Variants in MCU observed in about 807,000 individuals in gnomAD.
The protein encoded by MCU is mitochondrial calcium uniporter, also known as calcium uniporter protein, mitochondrial.
MCU carries 12 observed loss-of-function variants against 45.2 expected under a neutral mutation model. The observed-to-expected ratio is 0.27, with a 90% confidence interval of 0.17 to 0.43. The LOEUF is 0.43. Ranked by LOEUF, MCU falls within the 20% of genes least tolerant of loss-of-function variation. The pLI is 1.00. For missense variants in MCU, 324 were observed against 436.7 expected (o/e 0.74, Z 2.30); for synonymous variants, 160 against 165.1 (o/e 0.97, Z 0.24).
At chr10:72,710,722 C>CA (rs1237454141) in intron 1 of MCU, among the ~76,000 whole-genome samples, 3 of 151,834 alleles carry the variant, frequency 2.0e-5, no homozygotes, top group Admixed American at 1.3e-4. Context: ...AGAAATTGAA[C>CA]ATTATGATTA....
In MCU at chr10:72,748,208, C is replaced by T. The variant is rs1369864677; in HGVS notation, c.150+55907C>T. On this transcript the variant is annotated intron_variant, in intron 1 of 7. Transcript: ENST00000373053. ...GACTACAGGTGCCCGCCACCACGCC[C>T]AGCTAATTTTTGTATTTTTAGTAGA... 2.0e-5 allele frequency among the ~76,000 whole-genome samples: 3 copies of T among 152,046 alleles called. No homozygotes were observed. The East Asian group carries it at 5.8e-4, about 29-fold the overall frequency.
intron 2 of MCU, among the ~76,000 whole-genome samples, chr10:72,838,471 C>T (rs1844989023): frequency 6.6e-6 from 1 of 151,844 alleles, no homozygotes; most frequent in Non-Finnish European, 1.5e-5. Context: ...ATTAGCTGGG[C>T]GTGGTGGCAT....
chr10:72,845,590 G>A (rs1294377524), intron 2 of MCU, among the ~76,000 whole-genome samples: 2 of 152,264 alleles, frequency 1.3e-5, no homozygotes, highest in African/African-American at 2.4e-5. Flanking sequence ...ATTCAGCACA[G>A]TAACATGGTA....
intron 1 of MCU, among the ~76,000 whole-genome samples, chr10:72,833,036 G>A (rs1589485634): frequency 2.0e-5 from 3 of 151,278 alleles, no homozygotes; most frequent in South Asian, 4.2e-4. Flanking sequence ...TTAAAGAAAA[G>A]TAATAAGGGA....
chr10:72,797,162 A>G (rs1844261070), intron 1 of MCU, among the ~76,000 whole-genome samples: 1 of 151,476 alleles, frequency 6.6e-6, no homozygotes, highest in Admixed American at 6.6e-5. Context: ...TGTTACTAGT[A>G]TATTTCTGTA....
chr10:72,884,142 A>T, intron 6 of MCU, 124 bp from the exon 7 acceptor site: 1 of 647,144 alleles, frequency 1.5e-6, no homozygotes, highest in Non-Finnish European at 2.8e-6. Context: ...TGGTGATTAA[A>T]TACTTAACAC....
chr10:72,839,620 TGAG>T (rs1845016379), intron 2 of MCU, among the ~76,000 whole-genome samples: 1 of 151,896 alleles, frequency 6.6e-6, no homozygotes, highest in Non-Finnish European at 1.5e-5. Flanking sequence ...ATTCACCAAA[TGAG>T]GGACATTAGG....
chr10:72,849,353 T>C (rs936653391), intron 2 of MCU, among the ~76,000 whole-genome samples: 9 of 151,938 alleles, frequency 5.9e-5, no homozygotes, highest in African/African-American at 1.9e-4. Flanking sequence ...TCTGGCTCTA[T>C]GAATAGTCAA....
intron 1 of MCU, among the ~76,000 whole-genome samples, chr10:72,707,498 C>T (rs1473033854): frequency 2.0e-5 from 3 of 152,048 alleles, no homozygotes; most frequent in East Asian, 3.9e-4. Context: ...GCACCTGACT[C>T]GCCTTTTGAA....
At chr10:72,811,255 T>C (rs1844539528) in intron 1 of MCU, among the ~76,000 whole-genome samples, 1 of 152,222 alleles carries the variant, frequency 6.6e-6, no homozygotes, top group African/African-American at 2.4e-5. Flanking sequence ...GGCTGTTGTT[T>C]GAGAAAAAGG....
At chr10:72,776,822 A>T (rs140653033) in intron 1 of MCU, among the ~76,000 whole-genome samples, 3 of 152,310 alleles carry the variant, frequency 2.0e-5, no homozygotes, top group Non-Finnish European at 4.4e-5. Flanking sequence ...GAGAAACCTA[A>T]AGACTCCACA....
At chr10:72,860,020 T>C (rs1460324247) in intron 3 of MCU, 1 of 167,080 alleles carries the variant, frequency 6.0e-6, no homozygotes, top group African/African-American at 2.4e-5. Flanking sequence ...CCAGCGTCTA[T>C]CTCTACTGAA....
chr10:72,749,462 T>C (rs1444150449), intron 1 of MCU, among the ~76,000 whole-genome samples: 2 of 152,236 alleles, frequency 1.3e-5, no homozygotes, highest in Admixed American at 1.3e-4. Flanking sequence ...TATTAGCTTA[T>C]AATTACAAAA....
At chr10:72,788,812 T>C (rs1470537835) in intron 1 of MCU, among the ~76,000 whole-genome samples, 3 of 152,230 alleles carry the variant, frequency 2.0e-5, no homozygotes, top group African/African-American at 7.2e-5. Context: ...AGTTGATTCT[T>C]GATAAAGTAC....
chr10:72,847,182 C>T (rs1049410148), intron 2 of MCU, among the ~76,000 whole-genome samples: 1 of 152,098 alleles, frequency 6.6e-6, no homozygotes, highest in African/African-American at 2.4e-5. Flanking sequence ...GCCATGTTGG[C>T]CAGGGTGATC....
chr10:72,737,366 T>C (rs1843264873), intron 1 of MCU, among the ~76,000 whole-genome samples: 1 of 152,244 alleles, frequency 6.6e-6, no homozygotes, highest in Non-Finnish European at 1.5e-5. Flanking sequence ...CTGTGTAAAA[T>C]GCCCATTGCT....
chr10:72,693,296 C>G (rs1451751066), intron 1 of MCU, among the ~76,000 whole-genome samples: 1 of 152,046 alleles, frequency 6.6e-6, no homozygotes, highest in African/African-American at 2.4e-5. Context: ...CAGGAGGTTT[C>G]CTTCCCTTGG....
chr10:72,701,220 A>G (rs1589422761), intron 1 of MCU, among the ~76,000 whole-genome samples: 1 of 152,232 alleles, frequency 6.6e-6, no homozygotes, highest in East Asian at 1.9e-4. Flanking sequence ...AGAGGAATAG[A>G]TATAGAAGAA....
At chr10:72,863,280 G>A (rs955179437) in intron 4 of MCU, among the ~76,000 whole-genome samples, 3 of 152,014 alleles carry the variant, frequency 2.0e-5, no homozygotes, top group Non-Finnish European at 2.9e-5. Context: ...ATTTTGCTTC[G>A]TCCTTTTCTT....
Sources: gnomAD v4.1 joint callset for allele counts (sites outside exome capture counted in the v4.1 genomes callset) on GRCh38, gnomAD v4.1.1 for gene constraint, MANE v1.5 for transcripts, NCBI Gene and HGNC (gene_info 2026-07-23, HGNC 2026-07-21) for gene names.